PTPRG: variants seen among roughly 807,000 people sequenced by gnomAD.
The protein encoded by PTPRG is protein tyrosine phosphatase receptor type G.
In PTPRG, 102 loss-of-function variants were observed where a neutral mutation model predicts 165.3. That is an observed-to-expected ratio of 0.62 (90% CI 0.53 to 0.73). The LOEUF (loss-of-function observed/expected upper bound fraction) is 0.73, where lower values mean the gene tolerates loss of function less well. Among genes scored for constraint, PTPRG ranks in the 30% least tolerant of loss-of-function variants. The pLI is 0.00. For missense variants in PTPRG, 1,866 were observed against 1,861.4 expected (o/e 1.00, Z -0.05); for synonymous variants, 675 against 669.5 (o/e 1.01, Z -0.13).
intron 1 of PTPRG, among the ~76,000 whole-genome samples, chr3:61,628,124 A>G (rs1701662491): frequency 6.6e-6 from 1 of 152,190 alleles, no homozygotes; most frequent in Non-Finnish European, 1.5e-5. Flanking sequence ...TTCATGCTCT[A>G]AGTATATGTT....
Position 62,009,034 on chromosome 3 carries a change from A to G in PTPRG, c.519+5537A>G, listed in dbSNP as rs545953631. Among the ~76,000 whole-genome samples, 6 of 152,330 alleles carry G rather than the reference A, an allele frequency of 3.9e-5. No individual in the cohort carries two copies. The South Asian group carries it at 1.2e-3, about 32-fold the overall frequency. On this transcript the variant is annotated intron_variant, in intron 4 of 29. Coordinates refer to ENST00000474889, the MANE Select transcript of PTPRG (RefSeq NM_002841.4). ...TCCTATAACGAGCAAATGAACAGCCATGCTAAGTGGAAATATCAGTACTCT... is the reference window on the plus strand; with the variant it reads ...TCCTATAACGAGCAAATGAACAGCCGTGCTAAGTGGAAATATCAGTACTCT...
chr3:61,741,911 A>C (rs2033002019), intron 1 of PTPRG, among the ~76,000 whole-genome samples: 2 of 152,206 alleles, frequency 1.3e-5, no homozygotes, highest in African/African-American at 4.8e-5. Flanking sequence ...AATTTCAATC[A>C]TGAATTTGCA....
intron 1 of PTPRG, among the ~76,000 whole-genome samples, chr3:61,672,713 G>T: frequency 8.0e-6 from 1 of 125,436 alleles, no homozygotes. Context: ...ACCGTGGAAA[G>T]AGAGGGAGAG....
At chr3:61,926,609 C>CTCCCTCCCTCCCTCCCTCCCCCCT (rs1335655029) in intron 2 of PTPRG, among the ~76,000 whole-genome samples, 1 of 94,788 alleles carries the variant, frequency 1.1e-5, no homozygotes, top group African/African-American at 4.9e-5. Flanking sequence ...CCCTCCCTCC[C>CTCCCTCCCTCCCTCCCTCCCCCCT]TCCTTCCTTC....
In PTPRG at chr3:62,207,258, T is replaced by G. The variant is rs146413775; in HGVS notation, c.2155+3308T>G. On this transcript the variant is annotated intron_variant, in intron 12 of 29. Coordinates refer to ENST00000474889, the MANE Select transcript of PTPRG (RefSeq NM_002841.4). Reference sequence around the variant, plus strand: ...TGTGATAGTATTTCAATTAAAACTTTGTTTGCAGAAACAGGCGATGGGTCT... The same window carrying G: ...TGTGATAGTATTTCAATTAAAACTTGGTTTGCAGAAACAGGCGATGGGTCT... Among the ~76,000 whole-genome samples the G allele has an allele frequency of 3.8e-3, 572 of 152,358 alleles. 1 individual carries two copies. The highest frequency in any genetic ancestry group is 6.5e-3 in the Non-Finnish European group (443 of 68,038).
chr3:61,941,217 T>C (rs376933831), intron 2 of PTPRG, among the ~76,000 whole-genome samples: 16 of 152,370 alleles, frequency 1.1e-4, no homozygotes, highest in African/African-American at 3.8e-4. Flanking sequence ...CCTGCAGTCG[T>C]CCAACATGCT....
intron 2 of PTPRG, among the ~76,000 whole-genome samples, chr3:61,895,972 G>C (rs761810451): frequency 6.6e-6 from 1 of 152,108 alleles, no homozygotes; most frequent in Non-Finnish European, 1.5e-5. Flanking sequence ...TAGCATTCTG[G>C]TAAAACTATG....
At position 62,178,528 on chromosome 3, in the gene PTPRG, G is replaced by A. The variant is rs552957244; in HGVS notation, c.1033+10365G>A. Among the ~76,000 whole-genome samples the A allele has an allele frequency of 9.5e-4, 144 of 152,296 alleles. 1 individual carries two copies. The highest frequency in any genetic ancestry group is 1.6e-3 in the Non-Finnish European group (106 of 68,032). On this transcript the variant is annotated intron_variant, in intron 8 of 29. Coordinates refer to ENST00000474889, the MANE Select transcript of PTPRG (RefSeq NM_002841.4). ...CTCTGACCAAAAGCCACCTTGGATG[G>A]AAGCGTACATTTCAACAAAACATGG...
intron 2 of PTPRG, among the ~76,000 whole-genome samples, chr3:61,804,769 T>A (rs1417979293): frequency 6.6e-6 from 1 of 152,180 alleles, no homozygotes; most frequent in African/African-American, 2.4e-5. Flanking sequence ...CGTTTCTGTT[T>A]CTTTGTGCCC....
chr3:61,578,240 T>G (rs1700210495), intron 1 of PTPRG, among the ~76,000 whole-genome samples: 1 of 152,196 alleles, frequency 6.6e-6, no homozygotes, highest in Non-Finnish European at 1.5e-5. Context: ...CTCAGCAATT[T>G]GAAAGGTAGA....
intron 3 of PTPRG, among the ~76,000 whole-genome samples, chr3:61,991,377 T>TG (rs1431544167): frequency 1.3e-5 from 2 of 152,200 alleles, no homozygotes; most frequent in Non-Finnish European, 2.9e-5. Context: ...AGCTAGTTTT[T>TG]GTGTTTTTAG....
At chr3:62,069,610 C>T (rs1701133583) in intron 4 of PTPRG, among the ~76,000 whole-genome samples, 1 of 143,200 alleles carries the variant, frequency 7.0e-6, no homozygotes, top group African/African-American at 2.8e-5. Flanking sequence ...TCAGGGTTCT[C>T]CAGAGAAAGA....
intron 15 of PTPRG, among the ~76,000 whole-genome samples, chr3:62,253,749 G>A (rs554662167): frequency 6.6e-6 from 1 of 152,266 alleles, no homozygotes; most frequent in African/African-American, 2.4e-5. Flanking sequence ...GCATATTCAT[G>A]AACATCTTCA....
chr3:62,028,325 A>G (rs1259010328), intron 4 of PTPRG, among the ~76,000 whole-genome samples: 1 of 152,204 alleles, frequency 6.6e-6, no homozygotes, highest in Non-Finnish European at 1.5e-5. Flanking sequence ...ATTACAGCCT[A>G]TACATTTTTA....
rs1329703438 is a variant in PTPRG at position 62,297,574 on chromosome 3, T to C, written c.*4267T>C. 6.6e-6 allele frequency: 1 copy of C among 152,070 alleles called. No individual in the cohort carries two copies. The highest frequency in any genetic ancestry group is 6.6e-5 in the Admixed American group (1 of 15,246). 9.4% of individuals were successfully genotyped at this position (152,070 alleles called of 1,614,324 possible). A position where few individuals can be genotyped will look rare whatever the true frequency, so the allele number is the denominator to read the frequency against. Reference sequence around the variant, plus strand: ...AGTGTTATTTAATATGTAAATTGTATTGCTATACATAAAATAAAGTATGGT... The same window carrying C: ...AGTGTTATTTAATATGTAAATTGTACTGCTATACATAAAATAAAGTATGGT... On this transcript the variant is annotated 3_prime_UTR_variant, in exon 30 of 30. Coordinates refer to ENST00000474889, the MANE Select transcript of PTPRG (RefSeq NM_002841.4).
intron 4 of PTPRG, among the ~76,000 whole-genome samples, chr3:62,059,799 CATG>C (rs1700747888): frequency 6.6e-6 from 1 of 152,174 alleles, no homozygotes; most frequent in South Asian, 2.1e-4. Flanking sequence ...CTGCTGTTCT[CATG>C]ATAGTGAGTG....
At chr3:62,078,131 T>C in intron 4 of PTPRG, 32 bp from the exon 5 acceptor site, 1 of 1,420,808 alleles carries the variant, frequency 7.0e-7, no homozygotes, top group Middle Eastern at 1.8e-4. Flanking sequence ...TTTGAAAATT[T>C]TCCTAATACA....
chr3:62,204,086 A>G, intron 12 of PTPRG, 136 bp downstream of exon 12: 1 of 1,389,692 alleles, frequency 7.2e-7, no homozygotes. Flanking sequence ...GTCATAGAAA[A>G]GGTGCACACA....
chr3:61,804,435 G>T (rs1487964096), intron 2 of PTPRG, among the ~76,000 whole-genome samples: 1 of 152,158 alleles, frequency 6.6e-6, no homozygotes, highest in East Asian at 1.9e-4. Flanking sequence ...CTTTCAAGCT[G>T]CCAGGCTTGG....
Sources: gnomAD v4.1 joint callset for allele counts (sites outside exome capture counted in the v4.1 genomes callset) on GRCh38, gnomAD v4.1.1 for gene constraint, MANE v1.5 for transcripts, NCBI Gene and HGNC (gene_info 2026-07-23, HGNC 2026-07-21) for gene names.